PKN2: variants seen among roughly 807,000 people sequenced by gnomAD.
PKN2 encodes the protein serine/threonine-protein kinase N2.
Under a neutral mutation model 119.1 loss-of-function variants are expected in PKN2, and 38 were observed. That is an observed-to-expected ratio of 0.32 (90% confidence interval 0.25 to 0.42). PKN2 has a LOEUF of 0.42. Among genes scored for constraint, PKN2 ranks in the 10% least tolerant of loss-of-function variants. The pLI, the probability that PKN2 is intolerant of heterozygous loss-of-function variation, is 1.00. For missense variants in PKN2, 850 were observed against 1,165.1 expected, an observed-to-expected ratio of 0.73 and a Z score of 3.94; for synonymous variants, 390 against 384.9, an observed-to-expected ratio of 1.01 and a Z score of -0.15.
chr1:88,764,826 GTGTT>G (rs1245710392), intron 3 of PKN2, among the ~76,000 whole-genome samples: 2 of 152,088 alleles, frequency 1.3e-5, no homozygotes, highest in African/African-American at 4.8e-5. Flanking sequence ...ATCATTGGTT[GTGTT>G]TGTTTTTGTT....
intron 1 of PKN2, among the ~76,000 whole-genome samples, chr1:88,727,764 T>A (rs1667957424): frequency 6.6e-6 from 1 of 152,234 alleles, no homozygotes; most frequent in South Asian, 2.1e-4. Flanking sequence ...ATTGACATTC[T>A]CCACATAGGT....
intron 2 of PKN2, among the ~76,000 whole-genome samples, chr1:88,756,548 A>T (rs1254730203): frequency 1.3e-5 from 2 of 152,042 alleles, no homozygotes; most frequent in Non-Finnish European, 2.9e-5. Context: ...ACATTTTCAT[A>T]CTCTTCTCAA....
intron 1 of PKN2, among the ~76,000 whole-genome samples, chr1:88,715,409 G>T (rs1266990580): frequency 6.6e-6 from 1 of 151,970 alleles, no homozygotes; most frequent in Non-Finnish European, 1.5e-5. Context: ...GACTTTTTTT[G>T]GTTGGTAGAC....
Position 88,697,020 on chromosome 1 carries a change from TAAG to T in PKN2, c.48+12395_48+12397del, listed in dbSNP as rs571856452. The stretch of plus-strand genomic sequence containing the variant: ...AATTGGACAATCCTTAAAATTCTGA[TAAG>T]AAAATCATATTCATTGACTATATGA... On this transcript the variant is annotated intron_variant, in intron 1 of 21. Coordinates refer to ENST00000370521, the MANE Select transcript of PKN2 (RefSeq NM_006256.4). 3.1e-4 allele frequency among the ~76,000 whole-genome samples: 47 copies of T among 152,266 alleles called. No homozygotes were observed. In the South Asian group the frequency reaches 9.1e-3, roughly 30 times the overall value.
rs1473494898 is a variant in PKN2 at position 88,829,402 on chromosome 1, A to C, written c.2562+779A>C. 4.9e-5 allele frequency: 16 copies of C among 329,002 alleles called. No individual in the cohort carries two copies. In the East Asian group the frequency reaches 7.9e-4, roughly 16 times the overall value. 20.4% of individuals were successfully genotyped at this position (329,002 alleles called of 1,614,324 possible). ...TGCTATAGAACTGCTGATGGCTGTG[A>C]ACTTCCTAGATTGTTAAATAAAATA... is the stretch of plus-strand genomic sequence containing the variant. On this transcript the variant is annotated intron_variant, in intron 19 of 21. Transcript: ENST00000370521.
intron 8 of PKN2, among the ~76,000 whole-genome samples, chr1:88,798,858 A>G (rs1328804148): frequency 1.3e-5 from 2 of 152,160 alleles, no homozygotes; most frequent in African/African-American, 4.8e-5. Context: ...AGCTGCGTTC[A>G]AAAAACCTTG....
At chr1:88,808,244 A>G (rs185013670) in intron 15 of PKN2, among the ~76,000 whole-genome samples, 326 of 152,128 alleles carry the variant, frequency 2.1e-3, no homozygotes, top group Non-Finnish European at 3.6e-3. Context: ...TTTTGACCCT[A>G]ACGTCTGGGT....
intron 16 of PKN2, among the ~76,000 whole-genome samples, chr1:88,815,943 C>T (rs1401507123): frequency 6.6e-5 from 10 of 152,024 alleles, no homozygotes; most frequent in Non-Finnish European, 1.3e-4. Context: ...AGTTCTAGAC[C>T]AGCCTGGCCA....
chr1:88,822,005 T>A lies in PKN2; in HGVS notation c.2342+2T>A. 1 of 1,549,124 alleles carries A rather than the reference T, an allele frequency of 6.5e-7. No individual in the cohort carries two copies. The highest frequency in any genetic ancestry group is 8.7e-7 in the Non-Finnish European group (1 of 1,151,782). ...ACATGAACACAAAATTGTTTATAGGTAAGTTAATTTTTAATTTTTTCTAAT... is the reference window on the plus strand; with the variant it reads ...ACATGAACACAAAATTGTTTATAGGAAAGTTAATTTTTAATTTTTTCTAAT... On this transcript the variant is annotated splice_donor_variant, in intron 17 of 21. Coordinates refer to ENST00000370521, the MANE Select transcript of PKN2 (RefSeq NM_006256.4). LOFTEE classifies it high-confidence loss of function.
chr1:88,706,578 CTTACATAA>C, intron 1 of PKN2, among the ~76,000 whole-genome samples: 2 of 152,162 alleles, frequency 1.3e-5, no homozygotes, highest in South Asian at 4.1e-4. Flanking sequence ...AGCATGCAGC[CTTACATAA>C]TTCATGTAAG....
intron 1 of PKN2, among the ~76,000 whole-genome samples, chr1:88,712,522 A>G (rs929825687): frequency 6.6e-6 from 1 of 152,152 alleles, no homozygotes; most frequent in Non-Finnish European, 1.5e-5. Flanking sequence ...ATACTACTAA[A>G]ATTTCTTCAA....
chr1:88,686,935 T>G (rs1195857873), intron 1 of PKN2, among the ~76,000 whole-genome samples: 1 of 152,134 alleles, frequency 6.6e-6, no homozygotes, highest in African/African-American at 2.4e-5. Context: ...ATTTAAGAAG[T>G]TTTGTAGCCA....
At chr1:88,794,741 T>C (rs180714838) in intron 8 of PKN2, among the ~76,000 whole-genome samples, 71 of 152,286 alleles carry the variant, frequency 4.7e-4, no homozygotes, top group African/African-American at 1.7e-3. Flanking sequence ...ATATTTCCAT[T>C]TCCTTGATTC....
Position 88,833,572 on chromosome 1 carries a change from C to A in PKN2, c.*124C>A. 1 of 700,900 alleles carries A rather than the reference C, an allele frequency of 1.4e-6. No individual in the cohort carries two copies. The highest frequency in any genetic ancestry group is 2.4e-6 in the Non-Finnish European group (1 of 412,446). The allele number at this position is 700,900 out of a possible 1,614,324, so 43.4% of individuals were successfully genotyped here. A position where few individuals can be genotyped will look rare whatever the true frequency, so the allele number is the denominator to read the frequency against. The stretch of plus-strand genomic sequence containing the variant: ...TTTGTTGTTGTTGTTTTTATTGAAA[C>A]ACGTGAAGATTTGTTTAAAAGTACC... On this transcript the variant is annotated 3_prime_UTR_variant, in exon 22 of 22. Transcript: ENST00000370521.
In PKN2 at chr1:88,688,868, A is replaced by G. The variant is rs569093183; in HGVS notation, c.48+4240A>G. ...GGAGGGATGTCTAGGTTATTTTAAG[A>G]GAAGTTCATTATAATCTTTGACATA... On this transcript the variant is annotated intron_variant, in intron 1 of 21. Coordinates refer to ENST00000370521, the MANE Select transcript of PKN2 (RefSeq NM_006256.4). Among the ~76,000 whole-genome samples the G allele has an allele frequency of 5.9e-5, 9 of 152,368 alleles. No individual in the cohort carries two copies. In the East Asian group the frequency reaches 1.7e-3, roughly 29 times the overall value.
chr1:88,720,024 TTTGTTGTTG>T (rs34630092), intron 1 of PKN2, among the ~76,000 whole-genome samples: 1 of 151,790 alleles, frequency 6.6e-6, no homozygotes, highest in Non-Finnish European at 1.5e-5. Flanking sequence ...CAAAATGTTT[TTTGTTGTTG>T]TTGTTGTTGT....
Position 88,834,192 on chromosome 1 carries a change from T to G in PKN2, c.*744T>G, listed in dbSNP as rs138057302. On this transcript the variant is annotated 3_prime_UTR_variant, in exon 22 of 22. Coordinates refer to ENST00000370521, the MANE Select transcript of PKN2 (RefSeq NM_006256.4). The stretch of plus-strand genomic sequence containing the variant: ...CTTAAGATGTTAAGAATGAGGACTT[T>G]TAATCAGCCGAACCAAGATATTGTT... 2.0e-5 allele frequency: 3 copies of G among 152,010 alleles called. No homozygotes were observed. 9.4% of individuals were successfully genotyped at this position (152,010 alleles called of 1,614,324 possible). A position where few individuals can be genotyped will look rare whatever the true frequency, so the allele number is the denominator to read the frequency against.
At position 88,710,058 on chromosome 1, in the gene PKN2, T is replaced by C. The variant is rs57533448; in HGVS notation, c.48+25430T>C. 5.0e-3 allele frequency among the ~76,000 whole-genome samples: 768 copies of C among 152,308 alleles called. 3 individuals are homozygous for C. The highest frequency in any genetic ancestry group is 0.017 in the African/African-American group (724 of 41,576). ...ATGAAACATTTGTTTTGAGTCATGC[T>C]GAATTTGAAATCAATAGACTACCTC... On this transcript the variant is annotated intron_variant, in intron 1 of 21. Transcript: ENST00000370521.
intron 8 of PKN2, among the ~76,000 whole-genome samples, chr1:88,792,446 C>T (rs761958519): frequency 5.5e-4 from 84 of 152,074 alleles, no homozygotes; most frequent in Non-Finnish European, 9.4e-4. Context: ...TCATGTATTC[C>T]TCTGGGGCTA....
Sources: allele counts gnomAD v4.1 joint callset (sites outside exome capture counted in the v4.1 genomes callset), GRCh38; gene constraint gnomAD v4.1.1; transcripts MANE v1.5; gene names NCBI Gene and HGNC (gene_info 2026-07-23, HGNC 2026-07-21).